PSMA8: variants seen among roughly 807,000 people sequenced by gnomAD.
The protein encoded by PSMA8 is proteasome 20S subunit alpha 8.
A neutral mutation model predicts 32.4 loss-of-function variants in PSMA8; 18 were observed. That is an observed-to-expected ratio of 0.56 (90% confidence interval 0.38 to 0.82). PSMA8 has a LOEUF of 0.82. PSMA8 is among the 40% of genes least tolerant of loss of function. PSMA8 has a pLI of 0.00. For synonymous variants in PSMA8, 104 were observed against 98.1 expected (o/e 1.06, Z -0.36); for missense variants, 298 against 300.7 (o/e 0.99, Z 0.07).
At chr18:26,171,392 A>G (rs994310526) in intron 4 of PSMA8, 3 of 1,151,780 alleles carry the variant, frequency 2.6e-6, no homozygotes, top group Admixed American at 1.9e-5. Context: ...GCAGACTAAT[A>G]TAACGTGTAA....
At chr18:26,160,382 G>A (rs1383175476) in intron 4 of PSMA8, among the ~76,000 whole-genome samples, 4 of 152,262 alleles carry the variant, frequency 2.6e-5, no homozygotes, top group South Asian at 4.1e-4. Flanking sequence ...TTCATTCTAT[G>A]TTGTTTGCAT....
chr18:26,154,122 G>A (rs181591671), intron 3 of PSMA8, among the ~76,000 whole-genome samples: 136 of 152,192 alleles, frequency 8.9e-4, no homozygotes, highest in African/African-American at 3.2e-3. Context: ...GGCTGGTCTC[G>A]AACTCCTGAG....
At chr18:26,165,254 A>G (rs1324701217) in intron 4 of PSMA8, among the ~76,000 whole-genome samples, 1 of 152,216 alleles carries the variant, frequency 6.6e-6, no homozygotes, top group African/African-American at 2.4e-5. Flanking sequence ...ATAGTTAAGG[A>G]TGAAATATAA....
intron 3 of PSMA8, 145 bp from the exon 4 acceptor site, chr18:26,157,977 C>A: frequency 1.7e-6 from 1 of 583,052 alleles, no homozygotes; most frequent in South Asian, 2.6e-5. Context: ...ATTGAGATTG[C>A]TCCAGAAAGG....
chr18:26,189,620 C>T (rs889399463), intron 6 of PSMA8, among the ~76,000 whole-genome samples: 11 of 152,104 alleles, frequency 7.2e-5, no homozygotes, highest in African/African-American at 2.7e-4. Context: ...GTTAAAATGG[C>T]TTATATCTAA....
chr18:26,181,230 A>G (rs2055308481), intron 6 of PSMA8, among the ~76,000 whole-genome samples: 1 of 152,236 alleles, frequency 6.6e-6, no homozygotes, highest in African/African-American at 2.4e-5. Context: ...TAATTATTAT[A>G]TAACGGTGAT....
At position 26,192,378 on chromosome 18, in the gene PSMA8, A is replaced by C. The variant is rs1220285798; in HGVS notation, c.720A>C (p.Glu240Asp). The C allele has an allele frequency of 6.5e-7, 1 of 1,533,552 alleles. No homozygotes were observed. The highest frequency in any genetic ancestry group is 8.7e-7 in the Non-Finnish European group (1 of 1,152,850). The allele number at this position is 1,533,552 out of a possible 1,614,324, so 95.0% of individuals were successfully genotyped here. A position where few individuals can be genotyped will look rare whatever the true frequency, so the allele number is the denominator to read the frequency against. Residue 240 changes from glutamate (E) to aspartate (D), a missense_variant, in exon 7 of 7, where the codon GAA becomes GAC. Physicochemically the swap from Glu to Asp is conservative, Grantham distance 45. Coordinates refer to ENST00000415576, the MANE Select transcript of PSMA8 (RefSeq NM_001025096.2). ...CTGAAATAGAAAAGGAAAAGGAAGAAGCAGAGAAGAAAAAATCAAAGAAAT... is the reference window on the plus strand; with the variant it reads ...CTGAAATAGAAAAGGAAAAGGAAGACGCAGAGAAGAAAAAATCAAAGAAAT... ...YVTEIEKEKE[E>D]AEKKKSKKSV
intron 1 of PSMA8, 77 bp from the exon 2 acceptor site, chr18:26,144,482 A>T: frequency 8.1e-7 from 1 of 1,233,108 alleles, no homozygotes; most frequent in Non-Finnish European, 1.2e-6. Flanking sequence ...CATTTCCCCT[A>T]AGTCATATGT....
intron 6 of PSMA8, among the ~76,000 whole-genome samples, chr18:26,187,196 A>G (rs2055362498): frequency 6.6e-6 from 1 of 152,142 alleles, no homozygotes; most frequent in Non-Finnish European, 1.5e-5. Context: ...AATACAAAAA[A>G]TTAGCCGGGT....
chr18:26,182,597 T>A (rs1217363774), intron 6 of PSMA8, among the ~76,000 whole-genome samples: 3 of 152,242 alleles, frequency 2.0e-5, no homozygotes, highest in Non-Finnish European at 4.4e-5. Flanking sequence ...AGGAAATTAA[T>A]GTTTTCGTGC....
chr18:26,150,554 A>G (rs1180350075), intron 2 of PSMA8, among the ~76,000 whole-genome samples: 1 of 152,144 alleles, frequency 6.6e-6, no homozygotes, highest in African/African-American at 2.4e-5. Context: ...TGCTCAGGCT[A>G]GTCGCAAACA....
intron 4 of PSMA8, among the ~76,000 whole-genome samples, chr18:26,163,213 GTATATATATATATATA>G (rs58945617): frequency 0.12 from 9,873 of 80,848 alleles, 749 homozygotes; most frequent in Middle Eastern, 0.26. Context: ...ATGTGTGTGT[GTATATATATATATATA>G]TATATATATA....
chr18:26,181,450 C>A (rs1240402562), intron 6 of PSMA8, among the ~76,000 whole-genome samples: 1 of 152,042 alleles, frequency 6.6e-6, no homozygotes, highest in Non-Finnish European at 1.5e-5. Flanking sequence ...CAATTAATAA[C>A]CCGATAAGGG....
chr18:26,149,213 G>C (rs1426981685), intron 2 of PSMA8, among the ~76,000 whole-genome samples: 1 of 152,082 alleles, frequency 6.6e-6, no homozygotes, highest in Admixed American at 6.6e-5. Context: ...CATGTCAATA[G>C]CATCAAAAAG....
chr18:26,162,127 T>G (rs1442739602), intron 4 of PSMA8, among the ~76,000 whole-genome samples: 1 of 152,248 alleles, frequency 6.6e-6, no homozygotes, highest in Non-Finnish European at 1.5e-5. Context: ...TCAAGCTAAT[T>G]AATATACCCA....
intron 4 of PSMA8, among the ~76,000 whole-genome samples, chr18:26,170,297 G>C (rs1298395598): frequency 1.5e-5 from 2 of 131,516 alleles, no homozygotes; most frequent in Non-Finnish European, 3.0e-5. Context: ...ATTTTCCACT[G>C]TTACAAACAA....
chr18:26,163,719 T>C (rs886217258), intron 4 of PSMA8, among the ~76,000 whole-genome samples: 4 of 152,186 alleles, frequency 2.6e-5, no homozygotes, highest in African/African-American at 4.8e-5. Flanking sequence ...ACTTAAATTA[T>C]TATATTAAAT....
intron 3 of PSMA8, 121 bp downstream of exon 3, chr18:26,152,103 T>C: frequency 8.6e-6 from 5 of 584,472 alleles, no homozygotes; most frequent in Non-Finnish European, 1.3e-5. Context: ...AAATTTCTTA[T>C]TTCTCACACT....
chr18:26,155,933 G>A (rs778761340), intron 3 of PSMA8, among the ~76,000 whole-genome samples: 40 of 152,160 alleles, frequency 2.6e-4, no homozygotes, highest in Non-Finnish European at 5.0e-4. Context: ...TGGAATGTAC[G>A]AGGAACTCAA....
Sources: allele counts gnomAD v4.1 joint callset (sites outside exome capture counted in the v4.1 genomes callset), GRCh38; gene constraint gnomAD v4.1.1; transcripts MANE v1.5; gene names NCBI Gene and HGNC (gene_info 2026-07-23, HGNC 2026-07-21).